ABCA1: variants seen among roughly 807,000 people sequenced by gnomAD.
ABCA1 encodes phospholipid-transporting ATPase ABCA1.
A neutral mutation model predicts 262.5 loss-of-function variants in ABCA1; 133 were observed. The observed-to-expected ratio is 0.51, with a 90% CI of 0.44 to 0.59. ABCA1 has a LOEUF of 0.59. Ranked by LOEUF, ABCA1 falls within the 20% of genes least tolerant of loss-of-function variation. The probability of loss-of-function intolerance (pLI) is 0.00; values close to 1 mark genes in which losing one functional copy is unlikely to be tolerated. For synonymous variants in ABCA1, 1,022 were observed against 1,043.5 expected (o/e 0.98, Z 0.40); for missense variants, 2,452 against 2,777.5 (o/e 0.88, Z 2.63).
intron 7 of ABCA1, among the ~76,000 whole-genome samples, chr9:104,854,838 A>AC: frequency 6.6e-6 from 1 of 152,326 alleles, no homozygotes; most frequent in Admixed American, 6.5e-5. Flanking sequence ...TCATATATCC[A>AC]CCCACCTTTG....
intron 7 of ABCA1, among the ~76,000 whole-genome samples, chr9:104,847,157 A>T (rs1193172827): frequency 1.3e-5 from 2 of 152,192 alleles, no homozygotes; most frequent in Non-Finnish European, 2.9e-5. Context: ...AGAAAAACTT[A>T]AAAACGTGGT....
chr9:104,827,692 T>C (rs1832925031), intron 15 of ABCA1, among the ~76,000 whole-genome samples: 1 of 152,224 alleles, frequency 6.6e-6, no homozygotes, highest in Non-Finnish European at 1.5e-5. Flanking sequence ...CCCACCAGCA[T>C]GCAGTTGTCT....
intron 37 of ABCA1, 33 bp downstream of exon 37, chr9:104,798,388 C>T: frequency 1.2e-6 from 2 of 1,611,040 alleles, no homozygotes; most frequent in Non-Finnish European, 1.7e-6. Flanking sequence ...CCCTGACAGA[C>T]ATCAGAAAGA....
chr9:104,793,007 C>T, intron 41 of ABCA1, 101 bp from the exon 42 acceptor site: 1 of 1,594,922 alleles, frequency 6.3e-7, no homozygotes, highest in Non-Finnish European at 8.6e-7. Flanking sequence ...CCACAGTCTC[C>T]AGGATGGGCA....
chr9:104,795,950 G>A, intron 39 of ABCA1, 103 bp downstream of exon 39: 1 of 1,495,164 alleles, frequency 6.7e-7, no homozygotes, highest in South Asian at 1.1e-5. Context: ...GCAGTCAGCA[G>A]TGTCAATACC....
intron 1 of ABCA1, among the ~76,000 whole-genome samples, chr9:104,916,531 C>T (rs920285534): frequency 1.3e-5 from 2 of 152,178 alleles, no homozygotes; most frequent in Non-Finnish European, 2.9e-5. Context: ...ATAAAGGGCA[C>T]TGTAATAGTT....
chr9:104,841,299 G>C (rs1335698034), intron 8 of ABCA1, among the ~76,000 whole-genome samples: 2 of 152,086 alleles, frequency 1.3e-5, no homozygotes, highest in Non-Finnish European at 2.9e-5. Context: ...TGTTGGCCAG[G>C]CATGGTGGCA....
rs1826488630 is a variant in ABCA1 at position 104,928,010 on chromosome 9, A to C, written c.-168T>G. On this transcript the variant is annotated 5_prime_UTR_variant, in exon 1 of 50. Coordinates refer to ENST00000374736, the MANE Select transcript of ABCA1 (RefSeq NM_005502.4). ...CTTCCGGAGAAGGGGAGAAAACAGA[A>C]CCGGGGAAAAAACAAGGAGCAAAGC... is the stretch of plus-strand genomic sequence containing the variant. 1 of 152,180 alleles carries C rather than the reference A, an allele frequency of 6.6e-6. No homozygotes were observed. Among genetic ancestry groups the C allele is most frequent in the Admixed American group, 6.5e-5 (1 of 15,284 alleles). The allele number at this position is 152,180 out of a possible 1,614,324, so 9.4% of individuals were successfully genotyped here.
intron 29 of ABCA1, 63 bp downstream of exon 29, chr9:104,810,737 C>T: frequency 6.2e-7 from 1 of 1,612,938 alleles, no homozygotes; most frequent in Non-Finnish European, 8.5e-7. Flanking sequence ...TCCCTTGGCC[C>T]TCGTAAACAT....
In ABCA1 at chr9:104,831,228, T is replaced by C. The variant is rs1465895142; in HGVS notation, c.1716-127A>G. 4 of 1,034,500 alleles carry C rather than the reference T, an allele frequency of 3.9e-6. No homozygotes were observed. The East Asian group carries it at 7.9e-5, about 20-fold the overall frequency. 64.1% of individuals were successfully genotyped at this position (1,034,500 alleles called of 1,614,324 possible). On this transcript the variant is annotated intron_variant, in intron 13 of 49. Coordinates refer to ENST00000374736, the MANE Select transcript of ABCA1 (RefSeq NM_005502.4). ...CTTTTTCTATTTTTGTATCTTTTTTTTTTTTTGAGATGGAGTTTCACTCTT... is the reference window on the plus strand; with the variant it reads ...CTTTTTCTATTTTTGTATCTTTTTTCTTTTTTGAGATGGAGTTTCACTCTT...
At chr9:104,913,541 T>G (rs1262119277) in intron 1 of ABCA1, among the ~76,000 whole-genome samples, 1 of 152,216 alleles carries the variant, frequency 6.6e-6, no homozygotes, top group African/African-American at 2.4e-5. Context: ...AGGAATCTCT[T>G]TTCTGTATTC....
At chr9:104,862,635 G>GAC (rs1564197658) in intron 5 of ABCA1, among the ~76,000 whole-genome samples, 13 of 1,434 alleles carry the variant, frequency 9.1e-3, no homozygotes, top group Non-Finnish European at 0.027. Flanking sequence ...GCAGACTGCC[G>GAC]GGCCGGGCCG....
rs2118845651 is a variant in ABCA1 at position 104,788,652 on chromosome 9, A to G, written c.5928-85T>C. The G allele has an allele frequency of 1.3e-6, 2 of 1,481,750 alleles. 1 individual carries two copies. Among genetic ancestry groups the G allele is most frequent in the Middle Eastern group, 3.8e-4 (2 of 5,304 alleles). The allele number at this position is 1,481,750 out of a possible 1,614,324, so 91.8% of individuals were successfully genotyped here. On this transcript the variant is annotated intron_variant, in intron 44 of 49. Transcript: ENST00000374736. ...ATCTGGCCTAATGTTCCTGTAAAGT[A>G]TGCTTCTCCATTACAAAGATACCAA...
chr9:104,897,119 G>C (rs1383836129), intron 2 of ABCA1, among the ~76,000 whole-genome samples: 1 of 152,060 alleles, frequency 6.6e-6, no homozygotes, highest in African/African-American at 2.4e-5. Context: ...GACATGATAT[G>C]AATGTGAAGA....
At chr9:104,821,018 G>A (rs1832281880) in intron 20 of ABCA1, among the ~76,000 whole-genome samples, 1 of 152,206 alleles carries the variant, frequency 6.6e-6, no homozygotes, top group South Asian at 2.1e-4. Context: ...ACCGAGGTGG[G>A]CGGATCACGA....
rs1421334953 is a variant in ABCA1, at chr9:104,861,729, G to A, written c.493C>T (p.Pro165Ser). 6.2e-7 allele frequency: 1 copy of A among 1,613,920 alleles called. No individual in the cohort carries two copies. The highest frequency in any genetic ancestry group is 2.2e-5 in the East Asian group (1 of 44,882). Residue 165 changes from proline (P) to serine (S), a missense_variant, in exon 6 of 50, where the codon CCA (proline) becomes TCA (serine). By Grantham distance (74) the Pro-to-Ser change is moderately conservative (BLOSUM62 -1). Transcript: ENST00000374736. ...SGFLYHNLSL[P>S]KSTVDKMLRA... The stretch of plus-strand genomic sequence containing the variant: ...AGCATCTTGTCCACAGTAGACTTTG[G>A]GAGAGAGAGGTTGTGATACAGGAAC...
At chr9:104,824,837 C>T (rs1180145888) in intron 17 of ABCA1, among the ~76,000 whole-genome samples, 1 of 152,238 alleles carries the variant, frequency 6.6e-6, no homozygotes, top group African/African-American at 2.4e-5. Context: ...GATAAGGAGC[C>T]TATCCAAGGT....
At chr9:104,892,698 A>C (rs1420085064) in intron 2 of ABCA1, among the ~76,000 whole-genome samples, 1 of 152,166 alleles carries the variant, frequency 6.6e-6, no homozygotes, top group Non-Finnish European at 1.5e-5. Flanking sequence ...ACGGAAATAT[A>C]AATCAGTTGA....
chr9:104,920,752 C>T lies in ABCA1; in HGVS notation c.-93+7183G>A, dbSNP rs540125899. Among the ~76,000 whole-genome samples the T allele has an allele frequency of 5.9e-5, 9 of 152,278 alleles. No homozygotes were observed. The South Asian group carries it at 1.7e-3, about 28-fold the overall frequency. ...GTCTCGAACTCCTGACCTCATGATC[C>T]GCCCACCTTGGCCTCCCAAAGTGCT... On this transcript the variant is annotated intron_variant, in intron 1 of 49. Coordinates refer to ENST00000374736, the MANE Select transcript of ABCA1 (RefSeq NM_005502.4).
Sources: allele counts gnomAD v4.1 joint callset (sites outside exome capture counted in the v4.1 genomes callset), GRCh38; gene constraint gnomAD v4.1.1; transcripts MANE v1.5; gene names NCBI Gene and HGNC (gene_info 2026-07-23, HGNC 2026-07-21).